PRDM6: variants seen among roughly 807,000 people sequenced by gnomAD.
PRDM6 encodes PR/SET domain 6.
PRDM6 carries 25 observed loss-of-function variants against 60.8 expected under a neutral mutation model. The observed-to-expected ratio is 0.41, with a 90% CI of 0.30 to 0.57. PRDM6 has a LOEUF of 0.57. Ranked by LOEUF, PRDM6 falls within the 20% of genes least tolerant of loss-of-function variation. PRDM6 has a pLI of 0.27. For missense variants in PRDM6, 839 were observed against 821.3 expected (o/e 1.02, Z -0.26); for synonymous variants, 407 against 357.4 (o/e 1.14, Z -1.57).
intron 5 of PRDM6, among the ~76,000 whole-genome samples, chr5:123,161,730 G>T (rs1385593112): frequency 6.6e-6 from 1 of 152,358 alleles, no homozygotes; most frequent in Non-Finnish European, 1.5e-5. Context: ...GGAAGACCTT[G>T]TAGGGCCCTA....
chr5:123,143,184 G>GTGT (rs1765159148), intron 3 of PRDM6, among the ~76,000 whole-genome samples: 1 of 110,466 alleles, frequency 9.1e-6, no homozygotes, highest in African/African-American at 3.1e-5. Context: ...TGTGTATGTG[G>GTGT]GTGTGTGTAT....
intron 3 of PRDM6, among the ~76,000 whole-genome samples, chr5:123,150,760 A>G (rs1347238774): frequency 6.6e-6 from 1 of 152,192 alleles, no homozygotes; most frequent in Non-Finnish European, 1.5e-5. Flanking sequence ...TGGATACTCC[A>G]TGAGCTGTGA....
intron 3 of PRDM6, among the ~76,000 whole-genome samples, chr5:123,112,523 A>G (rs947377216): frequency 2.0e-5 from 3 of 152,128 alleles, no homozygotes; most frequent in Admixed American, 2.0e-4. Flanking sequence ...TCACACCCGG[A>G]GAGCTCACCT....
chr5:123,143,055 G>A (rs1210236042), intron 3 of PRDM6, among the ~76,000 whole-genome samples: 1 of 151,712 alleles, frequency 6.6e-6, no homozygotes, highest in Non-Finnish European at 1.5e-5. Context: ...ACATCCCAAG[G>A]ACTCTAACTC....
At chr5:123,117,804 C>T (rs2150216246) in intron 3 of PRDM6, among the ~76,000 whole-genome samples, 1 of 152,352 alleles carries the variant, frequency 6.6e-6, no homozygotes, top group South Asian at 2.1e-4. Flanking sequence ...CAGTGACTAT[C>T]ATACCAAGAG....
chr5:123,182,016 G>T (rs1766176436), intron 7 of PRDM6, among the ~76,000 whole-genome samples: 1 of 152,188 alleles, frequency 6.6e-6, no homozygotes, highest in Non-Finnish European at 1.5e-5. Context: ...CGGTACATAG[G>T]TGCAGCTTGT....
intron 2 of PRDM6, among the ~76,000 whole-genome samples, chr5:123,094,775 C>CA (rs754279586): frequency 2.6e-5 from 4 of 152,182 alleles, no homozygotes; most frequent in Non-Finnish European, 1.5e-5. Flanking sequence ...TTGTATATGG[C>CA]AGCCTCGCAG....
chr5:123,099,573 C>G lies in PRDM6; in HGVS notation c.593-81C>G. ...CAGGCGGGCGGTGATGCTGTTGTCTCGGGAGTTTACTCAAAGATGGGCCGC... is the reference window on the plus strand; with the variant it reads ...CAGGCGGGCGGTGATGCTGTTGTCTGGGGAGTTTACTCAAAGATGGGCCGC... On this transcript the variant is annotated intron_variant, in intron 2 of 7. Coordinates refer to ENST00000407847, the MANE Select transcript of PRDM6 (RefSeq NM_001136239.4). The surrounding 1 kb of genome is among the most constrained non-coding windows in gnomAD (Gnocchi z 4.0). 7.7e-7 allele frequency: 1 copy of G among 1,301,982 alleles called. No individual in the cohort carries two copies. The allele number at this position is 1,301,982 out of a possible 1,614,324, so 80.7% of individuals were successfully genotyped here. A position where few individuals can be genotyped will look rare whatever the true frequency, so the allele number is the denominator to read the frequency against.
At position 123,192,644 on chromosome 5, in the gene PRDM6, A is replaced by T. The variant is rs1766454519; in HGVS notation, c.*5443A>T. ...AAAATAACCCTCTCAAGTGTGATATACATTAGGACAAATGGCAACAGGCAG... is the reference window on the plus strand; with the variant it reads ...AAAATAACCCTCTCAAGTGTGATATTCATTAGGACAAATGGCAACAGGCAG... On this transcript the variant is annotated 3_prime_UTR_variant, in exon 8 of 8. Coordinates refer to ENST00000407847, the MANE Select transcript of PRDM6 (RefSeq NM_001136239.4). 6.6e-6 allele frequency: 1 copy of T among 152,204 alleles called. No individual in the cohort carries two copies. The highest frequency in any genetic ancestry group is 2.4e-5 in the African/African-American group (1 of 41,460). The allele number at this position is 152,204 out of a possible 1,614,324, so 9.4% of individuals were successfully genotyped here. A position where few individuals can be genotyped will look rare whatever the true frequency, so the allele number is the denominator to read the frequency against.
intron 3 of PRDM6, among the ~76,000 whole-genome samples, chr5:123,101,579 CG>C (rs1481830768): frequency 2.6e-5 from 4 of 152,106 alleles, no homozygotes; most frequent in African/African-American, 9.7e-5. Flanking sequence ...CTAAGAAAAT[CG>C]TACAGCAATT....
chr5:123,123,148 G>T (rs540796772), intron 3 of PRDM6, among the ~76,000 whole-genome samples: 1 of 152,158 alleles, frequency 6.6e-6, no homozygotes, highest in Non-Finnish European at 1.5e-5. Flanking sequence ...CCCTGATAGG[G>T]TGAGAGTATT....
At chr5:123,097,743 G>C (rs1763989591) in intron 2 of PRDM6, among the ~76,000 whole-genome samples, 1 of 152,232 alleles carries the variant, frequency 6.6e-6, no homozygotes, top group African/African-American at 2.4e-5. Flanking sequence ...CAAAAGCAGA[G>C]TCTGGGAGAA....
intron 7 of PRDM6, among the ~76,000 whole-genome samples, chr5:123,181,173 C>A (rs542131845): frequency 6.6e-6 from 1 of 152,114 alleles, no homozygotes; most frequent in African/African-American, 2.4e-5. Context: ...TTGCTAGGCA[C>A]CCTGGTAGGT....
intron 3 of PRDM6, among the ~76,000 whole-genome samples, chr5:123,145,208 T>C (rs335173): frequency 0.72 from 109,155 of 152,146 alleles, 39,304 homozygotes; most frequent in Non-Finnish European, 0.75. Flanking sequence ...CTTTTCCACA[T>C]GTAGGAATCC....
chr5:123,170,730 T>C, intron 5 of PRDM6, 36 bp from the exon 6 acceptor site: 3 of 1,398,930 alleles, frequency 2.1e-6, no homozygotes, highest in Non-Finnish European at 1.9e-6. Context: ...TAAAGGCTAA[T>C]AAAACTGTTC....
intron 3 of PRDM6, among the ~76,000 whole-genome samples, chr5:123,139,705 T>G (rs1765056085): frequency 6.6e-6 from 1 of 152,164 alleles, no homozygotes. Context: ...GCATCTACTG[T>G]TTTGATTCCT....
At chr5:123,095,402 G>T (rs1464975773) in intron 2 of PRDM6, among the ~76,000 whole-genome samples, 1 of 152,262 alleles carries the variant, frequency 6.6e-6, no homozygotes, top group Non-Finnish European at 1.5e-5. Flanking sequence ...GCAGTGGGGG[G>T]ACCGCAGGCT....
At chr5:123,132,919 C>A (rs1764866367) in intron 3 of PRDM6, among the ~76,000 whole-genome samples, 3 of 152,056 alleles carry the variant, frequency 2.0e-5, no homozygotes, top group Admixed American at 2.0e-4. Context: ...TTAACTCTTA[C>A]ATGTTATCTT....
chr5:123,169,401 T>TA (rs1358155889), intron 5 of PRDM6, among the ~76,000 whole-genome samples: 2 of 152,202 alleles, frequency 1.3e-5, no homozygotes, highest in African/African-American at 4.8e-5. Context: ...CCACTTCCAC[T>TA]GCCACCACCC....
Sources: allele counts gnomAD v4.1 joint callset (sites outside exome capture counted in the v4.1 genomes callset), GRCh38; gene constraint gnomAD v4.1.1; non-coding constraint Gnocchi (gnomAD v3.1); transcripts MANE v1.5; gene names NCBI Gene and HGNC (gene_info 2026-07-23, HGNC 2026-07-21).